C5AR2: variants seen among roughly 807,000 people sequenced by gnomAD.
C5AR2 encodes C5a anaphylatoxin chemotactic receptor 2.
For missense variants in C5AR2, 458 were observed against 467.5 expected (o/e 0.98, Z 0.19); for synonymous variants, 224 against 216.5 (o/e 1.03, Z -0.30).
intron 1 of C5AR2, among the ~76,000 whole-genome samples, chr19:47,332,690 G>A (rs1279549430): frequency 6.6e-6 from 1 of 151,740 alleles, no homozygotes; most frequent in Non-Finnish European, 1.5e-5. Context: ...TCTCAGCTGG[G>A]ATTACAAGCG....
At position 47,340,882 on chromosome 19, in the gene C5AR2, G is replaced by C; in HGVS notation, c.83G>C (p.Cys28Ser). ...DRPVDCLDGA[C>S]LAIDPLRVAP... ...CCTGTGGACTGCCTGGATGGCGCCTGCCTGGCCATCGACCCGCTGCGCGTG... is the reference window on the plus strand; with the variant it reads ...CCTGTGGACTGCCTGGATGGCGCCTCCCTGGCCATCGACCCGCTGCGCGTG... Residue 28 changes from cysteine to serine, a missense_variant, in exon 2 of 2, where the codon TGC (cysteine) becomes TCC (serine). Coordinates refer to ENST00000595464, the MANE Select transcript of C5AR2 (RefSeq NM_001271749.2). 6.2e-7 allele frequency: 1 copy of C among 1,613,414 alleles called. No individual in the cohort carries two copies. The highest frequency in any genetic ancestry group is 1.1e-5 in the South Asian group (1 of 91,086).
intron 1 of C5AR2, among the ~76,000 whole-genome samples, chr19:47,337,392 G>A (rs758191210): frequency 2.6e-5 from 4 of 152,244 alleles, no homozygotes; most frequent in Non-Finnish European, 4.4e-5. Flanking sequence ...GGCTGGGCGC[G>A]GTGGCTCATG....
chr19:47,332,649 C>A (rs1027321557), intron 1 of C5AR2, among the ~76,000 whole-genome samples: 2 of 152,118 alleles, frequency 1.3e-5, no homozygotes, highest in Non-Finnish European at 1.5e-5. Context: ...TCACCGCAAC[C>A]TCCACCTCCC....
chr19:47,345,367 T>C lies in C5AR2; in HGVS notation c.*3554T>C. On this transcript the variant is annotated 3_prime_UTR_variant, in exon 2 of 2. Coordinates refer to ENST00000595464, the MANE Select transcript of C5AR2 (RefSeq NM_001271749.2). ...GAAAGCACTGGTATCACTTTTTTTTTTTTTTTTTTTTTTTGAGACGGAGTT... is the reference window on the plus strand; with the variant it reads ...GAAAGCACTGGTATCACTTTTTTTTCTTTTTTTTTTTTTTGAGACGGAGTT... 6.6e-6 allele frequency: 1 copy of C among 152,534 alleles called. No homozygotes were observed. The highest frequency in any genetic ancestry group is 1.4e-5 in the Non-Finnish European group (1 of 71,092). The allele number at this position is 152,534 out of a possible 1,614,324, so 9.4% of individuals were successfully genotyped here.
chr19:47,335,804 A>AAAAAAAC (rs2059355410), intron 1 of C5AR2, among the ~76,000 whole-genome samples: 1 of 127,902 alleles, frequency 7.8e-6, no homozygotes, highest in Non-Finnish European at 1.6e-5. Flanking sequence ...AAAAAAAAAG[A>AAAAAAAC]AAGTTTTCGT....
Position 47,341,433 on chromosome 19 carries a change from C to T in C5AR2, c.634C>T (p.Pro212Ser), listed in dbSNP as rs1488519027. 1.2e-6 allele frequency: 2 copies of T among 1,611,962 alleles called. No homozygotes were observed. Among genetic ancestry groups the T allele is most frequent in the African/African-American group, 2.7e-5 (2 of 74,890 alleles). ...CCGGTTTCTTTTTGGCTTCCTGGGG[C>T]CCCTGGTGGCCGTGGCCAGCTGCCA... ...AIRFLFGFLGPLVAVASCHSA... is the reference protein window; with the variant it reads ...AIRFLFGFLGSLVAVASCHSA... The change falls in exon 2 of 2, where the codon CCC (proline) becomes TCC (serine). Residue 212 changes from proline (P) to serine (S), a missense_variant. Pro to Ser is a moderately conservative substitution (Grantham distance 74). Transcript: ENST00000595464. This position sits in a 1 kb window ranked among gnomAD's most constrained non-coding sequence, Gnocchi z 4.6.
rs1969029049 is a variant in C5AR2, at chr19:47,341,467, TC to T, written c.670del (p.Leu224CysfsTer88). ...LVAVASCHSA[L>X]LCWAARRCRP... is the part of the protein sequence containing the mutation. The stretch of plus-strand genomic sequence containing the variant: ...GCCGTGGCCAGCTGCCACAGTGCCC[TC>T]CTGTGCTGGGCAGCCCGACGCTGCC... On this transcript the variant is annotated frameshift_variant, in exon 2 of 2. Transcript: ENST00000595464. LOFTEE classifies it low-confidence loss of function (END_TRUNC). The surrounding 1 kb of genome is among the most constrained non-coding windows in gnomAD (Gnocchi z 4.6). 2 of 1,611,970 alleles carry T rather than the reference TC, an allele frequency of 1.2e-6. No homozygotes were observed. Among genetic ancestry groups the T allele is most frequent in the Non-Finnish European group, 1.7e-6 (2 of 1,179,878 alleles).
intron 1 of C5AR2, among the ~76,000 whole-genome samples, chr19:47,338,690 T>TAATAATAATAATAATAATA (rs1385945632): frequency 4.0e-5 from 2 of 50,272 alleles, no homozygotes; most frequent in South Asian, 6.4e-4. Context: ...TAATAATAAT[T>TAATAATAATAATAATAATA]AATCAGGCAT....
chr19:47,334,468 G>GA lies in C5AR2; in HGVS notation c.-16+2134dup, dbSNP rs58125577. On this transcript the variant is annotated intron_variant, in intron 1 of 1. Coordinates refer to ENST00000595464, the MANE Select transcript of C5AR2 (RefSeq NM_001271749.2). ...CAACAGAGTAAGGGCTGTCCATACAGAAAAAAAAAAAAAAATTAGCTGGGC... is the reference window on the plus strand; with the variant it reads ...CAACAGAGTAAGGGCTGTCCATACAGAAAAAAAAAAAAAAAATTAGCTGGGC... Among the ~76,000 whole-genome samples the GA allele has an allele frequency of 9.5e-3, 1,321 of 138,342 alleles. 26 individuals are homozygous for GA. The highest frequency in any genetic ancestry group is 0.027 in the African/African-American group (1,006 of 36,912). 90.8% of individuals were successfully genotyped at this position (138,342 alleles called of 152,430 possible). A position where few individuals can be genotyped will look rare whatever the true frequency, so the allele number is the denominator to read the frequency against.
Position 47,341,488 on chromosome 19 carries a change from G to A in C5AR2, c.689G>A (p.Arg230His), listed in dbSNP as rs774806936. Residue 230 changes from arginine to histidine, a missense_variant, in exon 2 of 2, where the codon CGC becomes CAC. Coordinates refer to ENST00000595464, the MANE Select transcript of C5AR2 (RefSeq NM_001271749.2). The surrounding 1 kb of genome is among the most constrained non-coding windows in gnomAD (Gnocchi z 4.6). The part of the protein sequence containing the change: ...HSALLCWAAR[R>H]CRPLGTAIVV... ...GCCCTCCTGTGCTGGGCAGCCCGAC[G>A]CTGCCGGCCGCTGGGCACAGCCATT... The A allele has an allele frequency of 9.3e-6, 15 of 1,611,450 alleles. No individual in the cohort carries two copies. Among genetic ancestry groups the A allele is most frequent in the South Asian group, 8.8e-5 (8 of 91,034 alleles).
In C5AR2 at chr19:47,346,613, G is replaced by A. The variant is rs1969123412; in HGVS notation, c.*4800G>A. The A allele has an allele frequency of 6.6e-6, 1 of 152,128 alleles. No individual in the cohort carries two copies. Among genetic ancestry groups the A allele is most frequent in the Non-Finnish European group, 1.5e-5 (1 of 68,058 alleles). 9.4% of individuals were successfully genotyped at this position (152,128 alleles called of 1,614,324 possible). A position where few individuals can be genotyped will look rare whatever the true frequency, so the allele number is the denominator to read the frequency against. On this transcript the variant is annotated 3_prime_UTR_variant, in exon 2 of 2. Coordinates refer to ENST00000595464, the MANE Select transcript of C5AR2 (RefSeq NM_001271749.2). ...TCAGCTACTCGGGAGGTTGAGGCAGGAGAATGGCGTGAACCCAGGAGGCGG... is the reference window on the plus strand; with the variant it reads ...TCAGCTACTCGGGAGGTTGAGGCAGAAGAATGGCGTGAACCCAGGAGGCGG...
rs200606898 is a variant in C5AR2 at position 47,341,119 on chromosome 19, G to C, written c.320G>C (p.Cys107Ser). 2.5e-6 allele frequency: 4 copies of C among 1,603,120 alleles called. No homozygotes were observed. Among genetic ancestry groups the C allele is most frequent in the Non-Finnish European group, 3.4e-6 (4 of 1,179,902 alleles). ...CACTGGCCGTATGGTGCAGTGGGCTGTCGGGCGCTGCCCTCCATCATCCTG... is the reference window on the plus strand; with the variant it reads ...CACTGGCCGTATGGTGCAGTGGGCTCTCGGGCGCTGCCCTCCATCATCCTG... ...GGHWPYGAVG[C>S]RALPSIILLT... Residue 107 changes from cysteine (C) to serine (S), a missense_variant, in exon 2 of 2, where the codon TGT (cysteine) becomes TCT (serine). Cys to Ser is a moderately radical substitution (Grantham distance 112). Coordinates refer to ENST00000595464, the MANE Select transcript of C5AR2 (RefSeq NM_001271749.2). The surrounding 1 kb of genome is among the most constrained non-coding windows in gnomAD (Gnocchi z 4.6).
intron 1 of C5AR2, among the ~76,000 whole-genome samples, chr19:47,336,386 G>C (rs138414179): frequency 6.6e-6 from 1 of 151,538 alleles, no homozygotes; most frequent in Non-Finnish European, 1.5e-5. Flanking sequence ...CACTGTGCCC[G>C]GCTAGGGGGG....
In C5AR2 at chr19:47,341,572, T is replaced by TGGC; in HGVS notation, c.777_779dup (p.Ala260dup). 1.2e-6 allele frequency: 2 copies of TGGC among 1,613,612 alleles called. No individual in the cohort carries two copies. Among genetic ancestry groups the TGGC allele is most frequent in the Non-Finnish European group, 1.7e-6 (2 of 1,179,898 alleles). On this transcript the variant is annotated inframe_insertion, in exon 2 of 2. Coordinates refer to ENST00000595464, the MANE Select transcript of C5AR2 (RefSeq NM_001271749.2). This position sits in a 1 kb window ranked among gnomAD's most constrained non-coding sequence, Gnocchi z 4.6. ...CACCTGCTGGGGCTGGTGCTCACTGTGGCGGCCCCGAACTCCGCACTCCTG... is the reference window on the plus strand; with the variant it reads ...CACCTGCTGGGGCTGGTGCTCACTGTGGCGGCGGCCCCGAACTCCGCACTCCTG...
Position 47,347,247 on chromosome 19 carries a change from G to A in C5AR2, c.*5434G>A, listed in dbSNP as rs1969132711. The A allele has an allele frequency of 6.6e-6, 1 of 152,028 alleles. No homozygotes were observed. The highest frequency in any genetic ancestry group is 6.6e-5 in the Admixed American group (1 of 15,254). The allele number at this position is 152,028 out of a possible 1,614,324, so 9.4% of individuals were successfully genotyped here. A position where few individuals can be genotyped will look rare whatever the true frequency, so the allele number is the denominator to read the frequency against. ...TATACAATCCTATGGTTGATAGACTGTGGCTTTCTTGTTGATTTCCATTTG... is the reference window on the plus strand; with the variant it reads ...TATACAATCCTATGGTTGATAGACTATGGCTTTCTTGTTGATTTCCATTTG... On this transcript the variant is annotated 3_prime_UTR_variant, in exon 2 of 2. Coordinates refer to ENST00000595464, the MANE Select transcript of C5AR2 (RefSeq NM_001271749.2).
intron 1 of C5AR2, among the ~76,000 whole-genome samples, chr19:47,337,368 A>G (rs2059362225): frequency 6.6e-6 from 1 of 152,102 alleles, no homozygotes; most frequent in African/African-American, 2.4e-5. Context: ...ACACTTTGAA[A>G]TTTACCTACT....
At chr19:47,339,856 C>T (rs968829982) in intron 1 of C5AR2, among the ~76,000 whole-genome samples, 1 of 152,194 alleles carries the variant, frequency 6.6e-6, no homozygotes, top group African/African-American at 2.4e-5. Flanking sequence ...CATGCCTGTA[C>T]AACTCCAACA....
Position 47,340,962 on chromosome 19 carries a change from A to C in C5AR2, c.163A>C (p.Met55Leu). 6.2e-7 allele frequency: 1 copy of C among 1,611,582 alleles called. No homozygotes were observed. Among genetic ancestry groups the C allele is most frequent in the African/African-American group, 1.3e-5 (1 of 75,034 alleles). ...CCTGGTGGGGGTGCCGGGCAATGCC[A>C]TGGTGGCCTGGGTGGCTGGGAAGGT... ...IFLVGVPGNA[M>L]VAWVAGKVAR... The change falls in exon 2 of 2, where the codon ATG becomes CTG. Residue 55 changes from methionine to leucine, a missense_variant. By Grantham distance (15) the Met-to-Leu change is conservative (BLOSUM62 2). Coordinates refer to ENST00000595464, the MANE Select transcript of C5AR2 (RefSeq NM_001271749.2).
intron 1 of C5AR2, among the ~76,000 whole-genome samples, chr19:47,336,681 A>AT (rs1234938037): frequency 1.3e-5 from 2 of 150,332 alleles, no homozygotes; most frequent in African/African-American, 2.5e-5. Context: ...TAATTTTTAA[A>AT]TTTTTTGTAG....
Sources: gnomAD v4.1 joint callset for allele counts (sites outside exome capture counted in the v4.1 genomes callset) on GRCh38, gnomAD v4.1.1 for gene constraint, Gnocchi (gnomAD v3.1) non-coding constraint, MANE v1.5 for transcripts, NCBI Gene and HGNC (gene_info 2026-07-23, HGNC 2026-07-21) for gene names.